Variants in ASIC2 observed in about 807,000 individuals in gnomAD.
ASIC2 encodes acid sensing ion channel subunit 2.
In ASIC2, 25 loss-of-function variants were observed where a neutral mutation model predicts 57.3. The observed-to-expected ratio is 0.44, with a 90% CI of 0.32 to 0.61. The LOEUF is 0.61. ASIC2 is among the 20% of genes least tolerant of loss of function. The probability of loss-of-function intolerance (pLI) is 0.06; values close to 1 mark genes in which losing one functional copy is unlikely to be tolerated. For synonymous variants in ASIC2, 319 were observed against 307.5 expected (o/e 1.04, Z -0.39); for missense variants, 641 against 738.1 (o/e 0.87, Z 1.52).
At chr17:34,071,822 T>TC (rs1400213789) in intron 1 of ASIC2, 1 of 52,924 alleles carries the variant, frequency 1.9e-5, no homozygotes, top group African/African-American at 7.5e-5. Flanking sequence ...AGAGCGAGAC[T>TC]CCATCAAAAA....
intron 1 of ASIC2, among the ~76,000 whole-genome samples, chr17:33,553,258 G>A (rs932045280): frequency 6.6e-6 from 1 of 152,180 alleles, no homozygotes; most frequent in Non-Finnish European, 1.5e-5. Flanking sequence ...AAGCTGACAT[G>A]TGAACAGGTG....
intron 1 of ASIC2, among the ~76,000 whole-genome samples, chr17:33,610,458 C>T (rs975269363): frequency 2.5e-4 from 38 of 152,210 alleles, no homozygotes; most frequent in Admixed American, 7.2e-4. Context: ...CACCCCCCAC[C>T]GCCCATTGCC....
chr17:33,824,224 A>T lies in ASIC2; in HGVS notation c.555+331754T>A, dbSNP rs189718698. ...TCCGAATGCCCAGGCGGGCCTATAT[A>T]CTAAGATTGGAAGCACTTATTAAGA... On this transcript the variant is annotated intron_variant, in intron 1 of 9. Coordinates refer to the ASIC2 transcript ENST00000359872. Among the ~76,000 whole-genome samples the T allele has an allele frequency of 4.7e-4, 71 of 152,252 alleles. 1 individual carries two copies. Among genetic ancestry groups the T allele is most frequent in the African/African-American group, 1.7e-3 (69 of 41,556 alleles).
chr17:33,150,606 T>C (rs1904744811), intron 1 of ASIC2, among the ~76,000 whole-genome samples: 1 of 152,056 alleles, frequency 6.6e-6, no homozygotes. Flanking sequence ...TCCCAGCACT[T>C]TGGGAGGCTG....
chr17:33,597,522 C>CT (rs950784043), intron 1 of ASIC2, among the ~76,000 whole-genome samples: 14 of 151,012 alleles, frequency 9.3e-5, no homozygotes, highest in Non-Finnish European at 1.5e-4. Flanking sequence ...TATGACTTAG[C>CT]TTTTTTTTTC....
intron 1 of ASIC2, among the ~76,000 whole-genome samples, chr17:33,567,636 G>A (rs1916281643): frequency 6.6e-6 from 1 of 152,202 alleles, no homozygotes; most frequent in Admixed American, 6.5e-5. Context: ...CTTGTGGACA[G>A]GCTGGTCGTG....
chr17:34,143,930 G>A lies in ASIC2; in HGVS notation c.555+12048C>T, dbSNP rs143742860. Among the ~76,000 whole-genome samples, 1,107 of 152,002 alleles carry A rather than the reference G, an allele frequency of 7.3e-3. 16 individuals are homozygous for A. Among genetic ancestry groups the A allele is most frequent in the African/African-American group, 0.025 (1,051 of 41,438 alleles). ...TTCTTTTTATAAATTACCCAGTCTC[G>A]GGTATTCTGTTATAGCAACACAAAA... On this transcript the variant is annotated intron_variant, in intron 1 of 9. Transcript: ENST00000359872.
At chr17:33,240,001 C>A (rs1425306460) in intron 1 of ASIC2, among the ~76,000 whole-genome samples, 1 of 152,198 alleles carries the variant, frequency 6.6e-6, no homozygotes, top group African/African-American at 2.4e-5. Flanking sequence ...GCCTGTCAAT[C>A]CTACTAGACT....
intron 1 of ASIC2, among the ~76,000 whole-genome samples, chr17:33,161,857 GTTTTTTTTTTTTTTTTTT>G (rs199823485): frequency 1.1e-5 from 1 of 94,200 alleles, no homozygotes; most frequent in Non-Finnish European, 2.1e-5. Context: ...GAATTCCTAG[GTTTTTTTTTTTTTTTTTT>G]TTTTTTTTTT....
intron 1 of ASIC2, among the ~76,000 whole-genome samples, chr17:33,448,167 A>G (rs1835111589): frequency 6.6e-6 from 1 of 152,142 alleles, no homozygotes; most frequent in African/African-American, 2.4e-5. Context: ...CTTGCCTCCT[A>G]CGTCTCTTTA....
At chr17:33,993,706 A>G (rs764488765) in intron 1 of ASIC2, among the ~76,000 whole-genome samples, 1 of 152,190 alleles carries the variant, frequency 6.6e-6, no homozygotes, top group Non-Finnish European at 1.5e-5. Flanking sequence ...GTTTGGTATC[A>G]TGTACTGGAA....
chr17:33,291,289 CGT>C, intron 1 of ASIC2, 117 bp downstream of exon 1: 1 of 1,435,258 alleles, frequency 7.0e-7, no homozygotes, highest in South Asian at 1.5e-5. Context: ...GCCTTGGCAT[CGT>C]GGAGTGGTAA....
chr17:33,128,127 G>T (rs1157853138), intron 1 of ASIC2, among the ~76,000 whole-genome samples: 1 of 152,202 alleles, frequency 6.6e-6, no homozygotes, highest in African/African-American at 2.4e-5. Context: ...CCTCCAGAAA[G>T]CCTTCCCTGA....
chr17:34,086,399 A>G (rs2142083529), intron 1 of ASIC2, among the ~76,000 whole-genome samples: 1 of 152,214 alleles, frequency 6.6e-6, no homozygotes, highest in East Asian at 1.9e-4. Context: ...CTGTGGTCTG[A>G]GAGATAGTTT....
intron 1 of ASIC2, among the ~76,000 whole-genome samples, chr17:33,336,329 C>T (rs140880708): frequency 5.9e-5 from 9 of 152,028 alleles, no homozygotes; most frequent in Admixed American, 5.9e-4. Context: ...ATACTGATCC[C>T]GTCTCTATTT....
chr17:33,671,565 TCTC>T lies in ASIC2; in HGVS notation c.555+484410_555+484412del, dbSNP rs561965323. ...GAGGGAGAAGTGGACTATTTAGTGT[TCTC>T]CTAGGGCAACTTTTAGTCAGACCTC... On this transcript the variant is annotated intron_variant, in intron 1 of 9. Coordinates refer to the ASIC2 transcript ENST00000359872. Among the ~76,000 whole-genome samples, 236 of 152,254 alleles carry T rather than the reference TCTC, an allele frequency of 1.6e-3. 1 individual carries two copies. Among genetic ancestry groups the T allele is most frequent in the Admixed American group, 2.7e-3 (42 of 15,292 alleles).
At chr17:33,734,287 G>A (rs1366090049) in intron 1 of ASIC2, among the ~76,000 whole-genome samples, 1 of 150,258 alleles carries the variant, frequency 6.7e-6, no homozygotes, top group Non-Finnish European at 1.5e-5. Flanking sequence ...CCTTGCATCC[G>A]TGAGAGGCCA....
intron 1 of ASIC2, among the ~76,000 whole-genome samples, chr17:34,075,844 T>C (rs1051170390): frequency 1.8e-5 from 2 of 112,482 alleles, no homozygotes; most frequent in African/African-American, 8.1e-5. Context: ...TTTTTTTTTT[T>C]TTTTGAGACA....
chr17:33,379,801 G>A (rs553647297), intron 1 of ASIC2, among the ~76,000 whole-genome samples: 13 of 152,268 alleles, frequency 8.5e-5, no homozygotes, highest in African/African-American at 2.6e-4. Context: ...TGGCTCTCAA[G>A]GTGAAGATGG....
Sources: allele counts gnomAD v4.1 joint callset (sites outside exome capture counted in the v4.1 genomes callset), GRCh38; gene constraint gnomAD v4.1.1; transcripts MANE v1.5; gene names NCBI Gene and HGNC (gene_info 2026-07-23, HGNC 2026-07-21).